Variants in ETNK2 observed in about 807,000 individuals in gnomAD.
ETNK2 encodes ethanolamine kinase-like protein.
ETNK2 carries 33 observed loss-of-function variants against 46.2 expected under a neutral mutation model. That is an observed-to-expected ratio of 0.71 (90% CI 0.54 to 0.96). ETNK2 has a LOEUF of 0.96. Ranked by LOEUF, ETNK2 falls within the 40% of genes least tolerant of loss-of-function variation. The pLI is 0.00. For synonymous variants in ETNK2, 194 were observed against 209.0 expected, an observed-to-expected ratio of 0.93 and a Z score of 0.62; for missense variants, 445 against 509.7, an observed-to-expected ratio of 0.87 and a Z score of 1.22.
intron 7 of ETNK2, among the ~76,000 whole-genome samples, chr1:204,132,967 T>C (rs1355981477): frequency 6.6e-6 from 1 of 152,148 alleles, no homozygotes; most frequent in Non-Finnish European, 1.5e-5. Context: ...CAATTCTACT[T>C]GGTTTCTATG....
In ETNK2 at chr1:204,151,716, G is replaced by A. The variant is rs953819549; in HGVS notation, c.137C>T (p.Pro46Leu). The change falls in exon 1 of 8, where the codon CCG becomes CTG. Residue 46 changes from proline to leucine, a missense_variant. By Grantham distance (98) the Pro-to-Leu change is moderately conservative (BLOSUM62 -3). Coordinates refer to ENST00000367202, the MANE Select transcript of ETNK2 (RefSeq NM_018208.4). This position sits in a 1 kb window ranked among gnomAD's most constrained non-coding sequence, Gnocchi z 8.0. ...SASCREPPGP[P>L]RAAAVAYFGI... is the part of the protein sequence containing the mutation. ...GAAGTACGCGACGGCGGCGGCCCTC[G>A]GGGGGCCCGGCGGCTCCCGGCAGCT... 3.9e-6 allele frequency: 6 copies of A among 1,542,100 alleles called. No individual in the cohort carries two copies. The highest frequency in any genetic ancestry group is 1.7e-4 in the Middle Eastern group (1 of 5,926).
rs764482873 is a variant in ETNK2 at position 204,146,719 on chromosome 1, G to A, written c.564C>T (p.Asn188=). 6.1e-5 allele frequency: 98 copies of A among 1,613,928 alleles called. No homozygotes were observed. The South Asian group carries it at 7.4e-4, about 12-fold the overall frequency. The change falls in exon 3 of 8, where the codon AAC becomes AAT. Residue 188 remains asparagine, a synonymous_variant. Coordinates refer to ENST00000367202, the MANE Select transcript of ETNK2 (RefSeq NM_018208.4). ...AGAGGATGGGCTTGGGCAGGCTGCC[G>A]TTGGCGTGGATAGTATGAATCTTTG... ...EMAKIHTIHA[N]GSLPKPILWH... is the part of the protein sequence containing the mutation.
chr1:204,148,891 A>G (rs1300794393), intron 2 of ETNK2, among the ~76,000 whole-genome samples: 2 of 152,190 alleles, frequency 1.3e-5, no homozygotes, highest in Admixed American at 1.3e-4. Context: ...CCACTGTCCC[A>G]GTGTCAGGAG....
In ETNK2 at chr1:204,131,204, T is replaced by C. The variant is rs1237052599; in HGVS notation, c.*980A>G. 1 of 152,514 alleles carries C rather than the reference T, an allele frequency of 6.6e-6. No individual in the cohort carries two copies. The highest frequency in any genetic ancestry group is 1.5e-5 in the Non-Finnish European group (1 of 68,092). The allele number at this position is 152,514 out of a possible 1,614,324, so 9.4% of individuals were successfully genotyped here. A position where few individuals can be genotyped will look rare whatever the true frequency, so the allele number is the denominator to read the frequency against. On this transcript the variant is annotated 3_prime_UTR_variant, in exon 8 of 8. Coordinates refer to ENST00000367202, the MANE Select transcript of ETNK2 (RefSeq NM_018208.4). The surrounding 1 kb of genome is among the most constrained non-coding windows in gnomAD (Gnocchi z 4.3). ...CTGTTGAGTGTCCGGGCAACCAGTT[T>C]AGTCAGCACCTTTCTGATGGGATCC...
At chr1:204,141,110 G>A in intron 4 of ETNK2, 2 of 699,648 alleles carry the variant, frequency 2.9e-6, no homozygotes, top group Non-Finnish European at 5.2e-6. Flanking sequence ...ATAGGCATGA[G>A]CCACTGAGAC....
At chr1:204,141,656 T>A (rs180897212) in intron 3 of ETNK2, 199 bp from the exon 4 acceptor site, 118 of 596,868 alleles carry the variant, frequency 2.0e-4, no homozygotes, top group Non-Finnish European at 3.2e-4. Flanking sequence ...ACTCCTCTGG[T>A]TATGCTAGGA....
chr1:204,150,036 T>C, intron 1 of ETNK2, 74 bp from the exon 2 acceptor site: 1 of 1,471,272 alleles, frequency 6.8e-7, no homozygotes, highest in Non-Finnish European at 9.1e-7. Flanking sequence ...CTGGGCTCTG[T>C]AGCTCCAGCA....
chr1:204,134,546 G>A lies in ETNK2; in HGVS notation c.1057C>T (p.Gln353Ter). The change falls in exon 7 of 8, where the codon CAG becomes TAG. Residue 353 changes from glutamine (Q) to a stop codon, truncating the protein, a stop_gained. Transcript: ENST00000367202. LOFTEE classifies it high-confidence loss of function. ...FWALWALIQN[Q>*]YSTIDFDFLR... ...AAATCAAAGTCGATGGTGGAGTACT[G>A]GTTCTGGATGAGGGCCCAGAGAGCC... The A allele has an allele frequency of 6.2e-7, 1 of 1,614,006 alleles. No homozygotes were observed. Among genetic ancestry groups the A allele is most frequent in the Middle Eastern group, 1.6e-4 (1 of 6,062 alleles).
At chr1:204,133,209 A>G (rs1463906651) in intron 7 of ETNK2, among the ~76,000 whole-genome samples, 1 of 152,192 alleles carries the variant, frequency 6.6e-6, no homozygotes, top group East Asian at 1.9e-4. Flanking sequence ...TAATGTTGCC[A>G]TGAACATAGG....
chr1:204,132,045 A>G lies in ETNK2; in HGVS notation c.*139T>C. 1.4e-6 allele frequency: 1 copy of G among 720,152 alleles called. No homozygotes were observed. The highest frequency in any genetic ancestry group is 2.5e-6 in the Non-Finnish European group (1 of 403,288). 44.6% of individuals were successfully genotyped at this position (720,152 alleles called of 1,614,324 possible). On this transcript the variant is annotated 3_prime_UTR_variant, in exon 8 of 8. Coordinates refer to ENST00000367202, the MANE Select transcript of ETNK2 (RefSeq NM_018208.4). ...GTGGCAACCACTGGGGTCTGGCGGC[A>G]GGGACAGAGCCTTCTCCCTGGACAC...
intron 2 of ETNK2, among the ~76,000 whole-genome samples, chr1:204,148,377 C>T (rs958622471): frequency 1.1e-4 from 17 of 152,010 alleles, no homozygotes; most frequent in African/African-American, 3.4e-4. Flanking sequence ...GGAGTGGTGA[C>T]GACCTGACAA....
chr1:204,134,958 G>A (rs1214150152), intron 6 of ETNK2, among the ~76,000 whole-genome samples: 3 of 152,134 alleles, frequency 2.0e-5, no homozygotes, highest in African/African-American at 4.8e-5. Flanking sequence ...CAAGGCCAAG[G>A]TAGGATCCAG....
intron 2 of ETNK2, among the ~76,000 whole-genome samples, chr1:204,147,237 C>T (rs546577027): frequency 1.1e-3 from 166 of 152,282 alleles, no homozygotes; most frequent in Admixed American, 3.5e-3. Context: ...AAGAAATGCC[C>T]GCCTCTTATC....
In ETNK2 at chr1:204,132,211, T is replaced by C; in HGVS notation, c.1134A>G (p.Gln378=). Residue 378 remains glutamine (Q), a synonymous_variant, in exon 8 of 8, where the codon CAA becomes CAG. Coordinates refer to ENST00000367202, the MANE Select transcript of ETNK2 (RefSeq NM_018208.4). The part of the protein sequence containing the change: ...RFNQYFKVKP[Q]ASALEMPK ...ACTTTGGCATCTCCAAGGCTGACGC[T>C]TGAGGCTTCACCTTGAAGTACTGGT... 6.4e-7 allele frequency: 1 copy of C among 1,574,386 alleles called. No homozygotes were observed. The highest frequency in any genetic ancestry group is 8.6e-7 in the Non-Finnish European group (1 of 1,159,664).
At chr1:204,136,910 C>T (rs1454093898) in intron 6 of ETNK2, among the ~76,000 whole-genome samples, 194 bp downstream of exon 6, 1 of 152,118 alleles carries the variant, frequency 6.6e-6, no homozygotes, top group African/African-American at 2.4e-5. Flanking sequence ...GAGCAGGGAA[C>T]AGGGCATCAA....
intron 2 of ETNK2, chr1:204,147,395 C>T (rs1407202284): frequency 3.8e-6 from 2 of 531,038 alleles, no homozygotes; most frequent in Non-Finnish European, 7.7e-6. Flanking sequence ...TATCCAAGGT[C>T]TCAGGAGAGG....
intron 7 of ETNK2, among the ~76,000 whole-genome samples, chr1:204,133,656 T>A (rs11240673): frequency 6.7e-6 from 1 of 150,296 alleles, no homozygotes; most frequent in East Asian, 2.0e-4. Flanking sequence ...CTCAGCCTCC[T>A]GAGTAGCTGG....
At chr1:204,150,104 A>T in intron 1 of ETNK2, 142 bp from the exon 2 acceptor site, 1 of 891,648 alleles carries the variant, frequency 1.1e-6, no homozygotes, top group Non-Finnish European at 1.7e-6. Context: ...GCTTTAGCCC[A>T]GTCACTCATG....
At chr1:204,149,563 G>A in intron 2 of ETNK2, 140 bp downstream of exon 2, 1 of 1,060,014 alleles carries the variant, frequency 9.4e-7, no homozygotes, top group Non-Finnish European at 1.3e-6. Context: ...GCAGAGCAAT[G>A]CATATAAACA....
Sources: gnomAD v4.1 joint callset for allele counts (sites outside exome capture counted in the v4.1 genomes callset) on GRCh38, gnomAD v4.1.1 for gene constraint, Gnocchi (gnomAD v3.1) non-coding constraint, MANE v1.5 for transcripts, NCBI Gene and HGNC (gene_info 2026-07-23, HGNC 2026-07-21) for gene names.